CDH13: variants seen among roughly 807,000 people sequenced by gnomAD.
The protein encoded by CDH13 is cadherin-13.
Under a neutral mutation model 63.8 loss-of-function variants are expected in CDH13, and 24 were observed. The observed-to-expected ratio is 0.38, with a 90% CI of 0.27 to 0.53. CDH13 has a LOEUF of 0.53. Among genes scored for constraint, CDH13 ranks in the 20% least tolerant of loss-of-function variants. The probability of loss-of-function intolerance (pLI) is 0.85; values close to 1 mark genes in which losing one functional copy is unlikely to be tolerated. For missense variants in CDH13, 1,049 were observed against 903.1 expected (o/e 1.16, Z -2.07); for synonymous variants, 503 against 355.3 (o/e 1.42, Z -4.67).
intron 1 of CDH13, among the ~76,000 whole-genome samples, chr16:82,842,724 T>TTATAA (rs10642827): frequency 0.55 from 84,059 of 151,478 alleles, 24,414 homozygotes; most frequent in Non-Finnish European, 0.63. Context: ...TATTATTACC[T>TTATAA]TATATAATGA....
intron 5 of CDH13, among the ~76,000 whole-genome samples, chr16:83,343,727 A>C (rs2090777552): frequency 6.6e-6 from 1 of 152,220 alleles, no homozygotes; most frequent in Non-Finnish European, 1.5e-5. Context: ...GATAGACCAT[A>C]TTTAAATGCT....
chr16:83,139,541 A>G (rs1486716823), intron 4 of CDH13, among the ~76,000 whole-genome samples: 1 of 152,206 alleles, frequency 6.6e-6, no homozygotes, highest in East Asian at 1.9e-4. Flanking sequence ...CTTGAAATTC[A>G]TCACAAGTGG....
intron 2 of CDH13, among the ~76,000 whole-genome samples, chr16:82,926,276 G>A (rs1309730226): frequency 3.5e-5 from 5 of 140,970 alleles, no homozygotes; most frequent in Admixed American, 7.2e-5. Context: ...CCAGTAAAAC[G>A]TTATTTCCAA....
chr16:83,085,877 G>A (rs554033593), intron 3 of CDH13, among the ~76,000 whole-genome samples: 1 of 152,296 alleles, frequency 6.6e-6, no homozygotes, highest in South Asian at 2.1e-4. Context: ...AGTAAACAAA[G>A]AACCCTTAAT....
At chr16:82,907,749 C>A (rs1249611196) in intron 2 of CDH13, among the ~76,000 whole-genome samples, 1 of 152,136 alleles carries the variant, frequency 6.6e-6, no homozygotes, top group Non-Finnish European at 1.5e-5. Context: ...TTGCCAAGGA[C>A]TGCTGTAGAT....
chr16:83,089,222 G>C (rs1454901110), intron 3 of CDH13, among the ~76,000 whole-genome samples: 1 of 152,170 alleles, frequency 6.6e-6, no homozygotes, highest in Non-Finnish European at 1.5e-5. Flanking sequence ...GCAGAACCAA[G>C]GATGAATTCC....
At chr16:83,163,899 G>A (rs1390675383) in intron 4 of CDH13, among the ~76,000 whole-genome samples, 6 of 152,038 alleles carry the variant, frequency 3.9e-5, no homozygotes, top group South Asian at 2.1e-4. Context: ...AAACCTCGTC[G>A]CTGTCAACAT....
rs150427136 is a variant in CDH13 at position 83,753,506 on chromosome 16, G to A, written c.1681+5256G>A. On this transcript the variant is annotated intron_variant, in intron 11 of 13. Transcript: ENST00000567109. ...GGCTGCAGTGAGCCAAGATCACACC[G>A]CTGCACTCTAGCCTGGGCAGCAGAA... Among the ~76,000 whole-genome samples, 88 of 152,176 alleles carry A rather than the reference G, an allele frequency of 5.8e-4. No homozygotes were observed. The Middle Eastern group carries it at 0.01, about 18-fold the overall frequency.
chr16:82,872,315 C>T (rs992197789), intron 2 of CDH13, among the ~76,000 whole-genome samples: 2 of 152,224 alleles, frequency 1.3e-5, no homozygotes, highest in Non-Finnish European at 2.9e-5. Context: ...ATTCTAAGTG[C>T]TGCCATATGG....
intron 10 of CDH13, chr16:83,735,284 C>T (rs1911436748): frequency 6.6e-6 from 1 of 152,168 alleles, no homozygotes; most frequent in Non-Finnish European, 1.5e-5. Flanking sequence ...CCCAAAGGAC[C>T]TCTCCCCAGT....
chr16:83,528,793 G>A (rs796297909), intron 7 of CDH13, among the ~76,000 whole-genome samples: 15 of 152,230 alleles, frequency 9.9e-5, no homozygotes, highest in Admixed American at 5.2e-4. Context: ...TCCATGTCTC[G>A]TTTAGCATTG....
chr16:82,837,730 C>T (rs895730004), intron 1 of CDH13, among the ~76,000 whole-genome samples: 1 of 152,176 alleles, frequency 6.6e-6, no homozygotes, highest in Non-Finnish European at 1.5e-5. Context: ...ACTGGGAGCT[C>T]ATCGAGCTGG....
intron 4 of CDH13, among the ~76,000 whole-genome samples, chr16:83,187,581 G>T (rs923437958): frequency 6.6e-6 from 1 of 151,886 alleles, no homozygotes; most frequent in Non-Finnish European, 1.5e-5. Flanking sequence ...GTTTTTTGAT[G>T]GGAGAAGCTG....
chr16:83,491,408 C>G (rs1040178588), intron 7 of CDH13, among the ~76,000 whole-genome samples: 1 of 152,146 alleles, frequency 6.6e-6, no homozygotes, highest in Non-Finnish European at 1.5e-5. Flanking sequence ...CTATGTCTGG[C>G]TGCACTACAA....
At chr16:82,837,316 G>A (rs1038296483) in intron 1 of CDH13, among the ~76,000 whole-genome samples, 2 of 152,118 alleles carry the variant, frequency 1.3e-5, no homozygotes, top group African/African-American at 2.4e-5. Context: ...GAGGATTACG[G>A]GGAAAAGTCC....
At chr16:82,834,372 C>T (rs2038674607) in intron 1 of CDH13, among the ~76,000 whole-genome samples, 1 of 152,146 alleles carries the variant, frequency 6.6e-6, no homozygotes, top group Non-Finnish European at 1.5e-5. Flanking sequence ...GCATTTCTTT[C>T]CTTTATCTGT....
intron 8 of CDH13, among the ~76,000 whole-genome samples, chr16:83,644,369 A>G (rs1375291203): frequency 3.3e-5 from 5 of 152,160 alleles, no homozygotes; most frequent in African/African-American, 1.2e-4. Flanking sequence ...CTTCACATAA[A>G]TGGACATTTT....
intron 7 of CDH13, among the ~76,000 whole-genome samples, chr16:83,504,928 C>G (rs1480383070): frequency 6.6e-6 from 1 of 152,160 alleles, no homozygotes; most frequent in African/African-American, 2.4e-5. Context: ...AAGTCTGCCT[C>G]AAATAAAGCA....
At chr16:82,766,522 G>C (rs545731485) in intron 1 of CDH13, among the ~76,000 whole-genome samples, 1 of 152,302 alleles carries the variant, frequency 6.6e-6, no homozygotes, top group South Asian at 2.1e-4. Context: ...TGCCTGGTTA[G>C]CTTGGAACAA....
Sources: allele counts gnomAD v4.1 joint callset (sites outside exome capture counted in the v4.1 genomes callset), GRCh38; gene constraint gnomAD v4.1.1; transcripts MANE v1.5; gene names NCBI Gene and HGNC (gene_info 2026-07-23, HGNC 2026-07-21).